Variants in PCDHGB5 observed in about 807,000 individuals in gnomAD.
PCDHGB5 encodes protocadherin gamma subfamily B, 5, also known as protocadherin gamma-B5.
A neutral mutation model predicts 62.9 loss-of-function variants in PCDHGB5; 48 were observed. That is an observed-to-expected ratio of 0.76 (90% confidence interval 0.61 to 0.97). PCDHGB5 has a LOEUF of 0.97. PCDHGB5 is among the 50% of genes least tolerant of loss of function. The pLI is 0.00. For synonymous variants in PCDHGB5, 474 were observed against 511.2 expected, an observed-to-expected ratio of 0.93 and a Z score of 0.98; for missense variants, 1,118 against 1,198.6, an observed-to-expected ratio of 0.93 and a Z score of 0.99.
chr5:141,406,781 T>C (rs1054583306), intron 1 of PCDHGB5, among the ~76,000 whole-genome samples: 4 of 152,218 alleles, frequency 2.6e-5, no homozygotes, highest in Non-Finnish European at 5.9e-5. Context: ...CTCTCACTTA[T>C]ATATTATTTC....
intron 1 of PCDHGB5, among the ~76,000 whole-genome samples, chr5:141,436,604 G>A (rs2097836057): frequency 6.6e-6 from 1 of 152,146 alleles, no homozygotes; most frequent in Admixed American, 6.5e-5. Context: ...GTGATGGCTA[G>A]GGCTAACAAA....
At chr5:141,474,117 A>C (rs748431734) in intron 1 of PCDHGB5, among the ~76,000 whole-genome samples, 11 of 152,186 alleles carry the variant, frequency 7.2e-5, no homozygotes, top group Non-Finnish European at 1.2e-4. Context: ...ACAACAACGA[A>C]AATCTCAGAA....
Position 141,494,803 on chromosome 5 carries a change from A to G in PCDHGB5, c.2398-4A>G. On this transcript the variant is annotated splice_polypyrimidine_tract_variant and splice_region_variant and intron_variant, in intron 1 of 3. Transcript: ENST00000617380. ...CAGCCCCTTTCCCTCTGTTTTCTCC[A>G]CAGCAAGCCCCGCCCAACACGGACT... The G allele has an allele frequency of 6.2e-7, 1 of 1,613,646 alleles. No individual in the cohort carries two copies. Among genetic ancestry groups the G allele is most frequent in the Non-Finnish European group, 8.5e-7 (1 of 1,179,900 alleles).
At chr5:141,421,781 G>A (rs1482347889) in intron 1 of PCDHGB5, 1 of 1,613,856 alleles carries the variant, frequency 6.2e-7, no homozygotes, top group Non-Finnish European at 8.5e-7. Context: ...CAACTGCGGG[G>A]CAGAACGGAT....
chr5:141,423,597 G>C, intron 1 of PCDHGB5: 1 of 1,613,188 alleles, frequency 6.2e-7, no homozygotes, highest in Non-Finnish European at 8.5e-7. Context: ...AGAAAAGCGA[G>C]CCACTCTTGA....
intron 1 of PCDHGB5, among the ~76,000 whole-genome samples, chr5:141,425,165 A>G (rs1391395593): frequency 6.6e-6 from 1 of 152,140 alleles, no homozygotes; most frequent in Non-Finnish European, 1.5e-5. Flanking sequence ...TAGGGATAGG[A>G]TTTATACTTG....
rs376057952 is a variant in PCDHGB5 at position 141,417,907 on chromosome 5, A to G, written c.2397+17383A>G. On this transcript the variant is annotated intron_variant, in intron 1 of 3. Transcript: ENST00000617380. Reference sequence around the variant, plus strand: ...GGCGCCGGGCCGGCCCGCGGCAGGTACTATTTCCTTTGCTGCTGCCTTTGT... The same window carrying G: ...GGCGCCGGGCCGGCCCGCGGCAGGTGCTATTTCCTTTGCTGCTGCCTTTGT... The G allele has an allele frequency of 3.6e-4, 571 of 1,596,132 alleles. 2 individuals are homozygous for G. In the African/African-American group the frequency reaches 5.1e-3, roughly 14 times the overall value.
At position 141,491,583 on chromosome 5, in the gene PCDHGB5, C is replaced by T; in HGVS notation, c.2398-3224C>T. On this transcript the variant is annotated intron_variant, in intron 1 of 3. Transcript: ENST00000617380. The surrounding 1 kb of genome is among the most constrained non-coding windows in gnomAD (Gnocchi z 6.9). ...GCTACAGGACGTGCTTTTCACCGGC[C>T]TCGGACGGCAGTGACTTCACTTTTC... 1 of 1,613,964 alleles carries T rather than the reference C, an allele frequency of 6.2e-7. No individual in the cohort carries two copies. Among genetic ancestry groups the T allele is most frequent in the African/African-American group, 1.3e-5 (1 of 75,032 alleles).
intron 1 of PCDHGB5, chr5:141,414,450 A>C (rs759840643): frequency 9.3e-6 from 15 of 1,613,772 alleles, no homozygotes. Context: ...ACAATATCAC[A>C]GTGACAGCCA....
At chr5:141,420,256 TAAG>T (rs749213635) in intron 1 of PCDHGB5, 12 of 1,569,010 alleles carry the variant, frequency 7.6e-6, no homozygotes, top group South Asian at 1.2e-5. Context: ...TTGAAGCAGA[TAAG>T]AAGATTCTTA....
intron 2 of PCDHGB5, 70 bp downstream of exon 2, chr5:141,494,935 G>T (rs1456805368): frequency 2.5e-6 from 4 of 1,612,364 alleles, no homozygotes; most frequent in African/African-American, 1.3e-5. Context: ...GGGAGGAGAT[G>T]GGGGAGGGCC....
rs2099629299 is a variant in PCDHGB5, at chr5:141,486,426, A to G, written c.2398-8381A>G. ...GCTGGACCCTTGGATCGAGAGGCCA[A>G]ATCTAGCTATGACATCATGGTCACT... On this transcript the variant is annotated intron_variant, in intron 1 of 3. Transcript: ENST00000617380. The surrounding 1 kb of genome is among the most constrained non-coding windows in gnomAD (Gnocchi z 5.0). 1.9e-6 allele frequency: 3 copies of G among 1,614,190 alleles called. No individual in the cohort carries two copies. Among genetic ancestry groups the G allele is most frequent in the Non-Finnish European group, 2.5e-6 (3 of 1,180,026 alleles).
intron 1 of PCDHGB5, chr5:141,478,531 C>A (rs771145308): frequency 8.1e-6 from 13 of 1,608,072 alleles, no homozygotes; most frequent in Admixed American, 5.1e-5. Context: ...GTGCAGAGAG[C>A]GCCCCTCCCG....
At chr5:141,404,773 C>T (rs753809742) in intron 1 of PCDHGB5, 1 of 1,613,856 alleles carries the variant, frequency 6.2e-7, no homozygotes, top group South Asian at 1.1e-5. Flanking sequence ...TCTCCTACCG[C>T]CTATTCAAGG....
At chr5:141,452,412 T>G (rs1009940351) in intron 1 of PCDHGB5, among the ~76,000 whole-genome samples, 2 of 152,222 alleles carry the variant, frequency 1.3e-5, no homozygotes, top group Non-Finnish European at 2.9e-5. Context: ...GTGTGAGGTA[T>G]GCTCACTGCT....
chr5:141,415,740 GTTTTTTTTTTT>G lies in PCDHGB5; in HGVS notation c.2397+15238_2397+15248del, dbSNP rs57426385. On this transcript the variant is annotated intron_variant, in intron 1 of 3. Transcript: ENST00000617380. ...TGAGTAGAATTTGATGTTTATTAAGGTTTTTTTTTTTTTTTTTTTTTTTTTTTTTTTTACTT... is the reference window on the plus strand; with the variant it reads ...TGAGTAGAATTTGATGTTTATTAAGGTTTTTTTTTTTTTTTTTTTTTACTT... 695 of 624,702 alleles carry G rather than the reference GTTTTTTTTTTT, an allele frequency of 1.1e-3. 1 individual carries two copies. Among genetic ancestry groups the G allele is most frequent in the East Asian group, 1.8e-3 (27 of 14,732 alleles). 38.7% of individuals were successfully genotyped at this position (624,702 alleles called of 1,614,324 possible).
At chr5:141,414,242 T>TA in intron 1 of PCDHGB5, 2 of 1,613,538 alleles carry the variant, frequency 1.2e-6, no homozygotes, top group Non-Finnish European at 1.7e-6. Context: ...ATCACGTCTC[T>TA]ATTTAGTCCA....
chr5:141,487,656 C>G lies in PCDHGB5; in HGVS notation c.2398-7151C>G. ...GCTCAACAAATGCTTGAGGGTTATT[C>G]TGATCCAGGCATATGGCTAGGCCAT... On this transcript the variant is annotated intron_variant, in intron 1 of 3. Coordinates refer to ENST00000617380, the MANE Select transcript of PCDHGB5 (RefSeq NM_018925.3). The surrounding 1 kb of genome is among the most constrained non-coding windows in gnomAD (Gnocchi z 5.0). 6.2e-7 allele frequency: 1 copy of G among 1,613,658 alleles called. No individual in the cohort carries two copies. Among genetic ancestry groups the G allele is most frequent in the Non-Finnish European group, 8.5e-7 (1 of 1,179,794 alleles).
At chr5:141,443,953 T>C (rs1373953428) in intron 1 of PCDHGB5, among the ~76,000 whole-genome samples, 1 of 152,142 alleles carries the variant, frequency 6.6e-6, no homozygotes, top group Non-Finnish European at 1.5e-5. Context: ...CTTATTGGTA[T>C]GTATTCTGTG....
Sources: allele counts gnomAD v4.1 joint callset (sites outside exome capture counted in the v4.1 genomes callset), GRCh38; gene constraint gnomAD v4.1.1; non-coding constraint Gnocchi (gnomAD v3.1); transcripts MANE v1.5; gene names NCBI Gene and HGNC (gene_info 2026-07-23, HGNC 2026-07-21).